CORO2A: variants seen among roughly 807,000 people sequenced by gnomAD.
CORO2A encodes coronin-2A.
A neutral mutation model predicts 62.4 loss-of-function variants in CORO2A; 47 were observed. The observed-to-expected ratio is 0.75, with a 90% CI of 0.60 to 0.96. The LOEUF (loss-of-function observed/expected upper bound fraction) is 0.96, where lower values mean the gene tolerates loss of function less well. CORO2A is among the 40% of genes least tolerant of loss of function. CORO2A has a pLI of 0.00. For missense variants in CORO2A, 610 were observed against 684.1 expected (o/e 0.89, Z 1.21); for synonymous variants, 273 against 268.9 (o/e 1.02, Z -0.15).
chr9:98,138,550 AC>A (rs1287003160), intron 2 of CORO2A, among the ~76,000 whole-genome samples: 1 of 152,222 alleles, frequency 6.6e-6, no homozygotes, highest in African/African-American at 2.4e-5. Flanking sequence ...GCAGAATACT[AC>A]TGTCCCTAAA....
intron 1 of CORO2A, among the ~76,000 whole-genome samples, chr9:98,178,300 G>C (rs1828135016): frequency 1.3e-5 from 2 of 152,130 alleles, no homozygotes; most frequent in Admixed American, 6.5e-5. Context: ...TCTCGCCTTG[G>C]CCTCCCAAAG....
intron 10 of CORO2A, among the ~76,000 whole-genome samples, 179 bp downstream of exon 10, chr9:98,127,991 C>T (rs1416492160): frequency 6.6e-6 from 1 of 152,048 alleles, no homozygotes; most frequent in Non-Finnish European, 1.5e-5. Flanking sequence ...GGTCAAGCCC[C>T]CTGACTTTCT....
intron 2 of CORO2A, among the ~76,000 whole-genome samples, chr9:98,146,388 C>T (rs1447689875): frequency 1.3e-5 from 2 of 152,176 alleles, no homozygotes; most frequent in Non-Finnish European, 2.9e-5. Flanking sequence ...ACCAGCTCAC[C>T]CTGGGTCACA....
chr9:98,160,529 T>G (rs1487443667), intron 1 of CORO2A, among the ~76,000 whole-genome samples: 2 of 152,186 alleles, frequency 1.3e-5, no homozygotes, highest in African/African-American at 4.8e-5. Context: ...TAGTGAGTTT[T>G]GAGAGAAATG....
chr9:98,150,538 T>G (rs1392422357), intron 2 of CORO2A, among the ~76,000 whole-genome samples: 1 of 152,200 alleles, frequency 6.6e-6, no homozygotes, highest in Non-Finnish European at 1.5e-5. Flanking sequence ...CAGACCATCC[T>G]GCCTAAACTA....
intron 1 of CORO2A, among the ~76,000 whole-genome samples, chr9:98,187,204 A>G (rs906771430): frequency 6.7e-6 from 1 of 148,920 alleles, no homozygotes; most frequent in Non-Finnish European, 1.5e-5. Flanking sequence ...AATAGCATGA[A>G]CCCGGGAGGT....
chr9:98,126,415 G>A, intron 11 of CORO2A, 134 bp downstream of exon 11: 1 of 1,195,588 alleles, frequency 8.4e-7, no homozygotes, highest in Non-Finnish European at 1.2e-6. Context: ...AACAAAATGA[G>A]TCAAGTGACT....
At chr9:98,187,855 G>A (rs1828258640) in intron 1 of CORO2A, among the ~76,000 whole-genome samples, 2 of 152,266 alleles carry the variant, frequency 1.3e-5, no homozygotes, top group South Asian at 2.1e-4. Flanking sequence ...CAATTCAAAA[G>A]CCTTCCATGG....
chr9:98,180,605 C>T (rs1319661628), intron 1 of CORO2A, among the ~76,000 whole-genome samples: 1 of 152,134 alleles, frequency 6.6e-6, no homozygotes, highest in African/African-American at 2.4e-5. Context: ...CCTGCACCAT[C>T]CCTTCTTTTG....
intron 1 of CORO2A, among the ~76,000 whole-genome samples, chr9:98,161,758 A>G (rs981299043): frequency 6.6e-6 from 1 of 152,090 alleles, no homozygotes; most frequent in African/African-American, 2.4e-5. Context: ...GGGATCAACC[A>G]AATGTGGTGC....
intron 1 of CORO2A, 91 bp from the exon 2 acceptor site, chr9:98,157,751 T>C: frequency 8.1e-7 from 1 of 1,239,952 alleles, no homozygotes; most frequent in Non-Finnish European, 1.2e-6. Flanking sequence ...CATAAGAGGG[T>C]ACGAGCAGGA....
At chr9:98,186,410 T>C (rs1361598877) in intron 1 of CORO2A, among the ~76,000 whole-genome samples, 2 of 152,114 alleles carry the variant, frequency 1.3e-5, no homozygotes, top group Non-Finnish European at 2.9e-5. Context: ...TGACATAGAT[T>C]GAATGTATGA....
intron 1 of CORO2A, among the ~76,000 whole-genome samples, chr9:98,179,731 G>A (rs986521984): frequency 8.5e-5 from 13 of 152,286 alleles, no homozygotes; most frequent in East Asian, 1.9e-4. Flanking sequence ...TAGGCCAGGC[G>A]CGGTGGCTCT....
chr9:98,124,930 G>A, intron 11 of CORO2A, 25 bp from the exon 12 acceptor site: 1 of 1,552,688 alleles, frequency 6.4e-7, no homozygotes, highest in Non-Finnish European at 8.7e-7. Flanking sequence ...TCGGAAGGCA[G>A]GATCACCATG....
intron 1 of CORO2A, among the ~76,000 whole-genome samples, chr9:98,181,182 C>T (rs900640032): frequency 2.6e-5 from 4 of 151,122 alleles, no homozygotes; most frequent in African/African-American, 4.8e-5. Flanking sequence ...TCCCCCAGCG[C>T]GACTCCCTCT....
chr9:98,190,792 C>T lies in CORO2A; in HGVS notation c.-1+1767G>A, dbSNP rs575519476. Reference sequence around the variant, plus strand: ...TACATGTGTCGAGATGACAGGAGACCCAGGTAGCACTTAAGCCTGTGCGTC... The same window carrying T: ...TACATGTGTCGAGATGACAGGAGACTCAGGTAGCACTTAAGCCTGTGCGTC... On this transcript the variant is annotated intron_variant, in intron 1 of 11. Transcript: ENST00000375077. 4.3e-4 allele frequency among the ~76,000 whole-genome samples: 66 copies of T among 152,252 alleles called. No homozygotes were observed. In the Middle Eastern group the frequency reaches 0.017, roughly 39 times the overall value.
chr9:98,143,810 C>T (rs1455598216), intron 2 of CORO2A, among the ~76,000 whole-genome samples: 1 of 152,204 alleles, frequency 6.6e-6, no homozygotes, highest in African/African-American at 2.4e-5. Flanking sequence ...GCAGTGGCTC[C>T]AGGCATGCCC....
intron 4 of CORO2A, among the ~76,000 whole-genome samples, chr9:98,133,841 C>A (rs1564201840): frequency 1.3e-5 from 2 of 152,200 alleles, no homozygotes; most frequent in Non-Finnish European, 2.9e-5. Flanking sequence ...GTAGCATCAA[C>A]CTCCTGGGCT....
At chr9:98,126,029 A>G (rs928813081) in intron 11 of CORO2A, among the ~76,000 whole-genome samples, 1 of 98,648 alleles carries the variant, frequency 1.0e-5, no homozygotes, top group Non-Finnish European at 1.9e-5. Flanking sequence ...CCTGGTCCCC[A>G]CCATCTTTTT....
Sources: allele counts gnomAD v4.1 joint callset (sites outside exome capture counted in the v4.1 genomes callset), GRCh38; gene constraint gnomAD v4.1.1; transcripts MANE v1.5; gene names NCBI Gene and HGNC (gene_info 2026-07-23, HGNC 2026-07-21).